PARP8: variants seen among roughly 807,000 people sequenced by gnomAD.
PARP8 encodes protein mono-ADP-ribosyltransferase PARP8.
A neutral mutation model predicts 124.1 loss-of-function variants in PARP8; 51 were observed. The observed-to-expected ratio is 0.41, with a 90% CI of 0.33 to 0.52. The LOEUF (loss-of-function observed/expected upper bound fraction) is 0.52, where lower values mean the gene tolerates loss of function less well. Among genes scored for constraint, PARP8 ranks in the 20% least tolerant of loss-of-function variants. The pLI is 0.21. For synonymous variants in PARP8, 391 were observed against 361.5 expected (o/e 1.08, Z -0.93); for missense variants, 860 against 1,018.9 (o/e 0.84, Z 2.12).
intron 15 of PARP8, 69 bp from the exon 16 acceptor site, chr5:50,821,144 G>GAC: frequency 1.0e-5 from 16 of 1,568,708 alleles, no homozygotes; most frequent in Non-Finnish European, 1.2e-5. Context: ...TACCTTGAGA[G>GAC]GGAGAAACAA....
chr5:50,722,198 T>C (rs1432217669), intron 2 of PARP8, among the ~76,000 whole-genome samples: 1 of 152,144 alleles, frequency 6.6e-6, no homozygotes, highest in Non-Finnish European at 1.5e-5. Context: ...ATAGTTGTTT[T>C]TCTTTGCCAT....
At chr5:50,667,734 C>T in intron 1 of PARP8, 2 of 704,390 alleles carry the variant, frequency 2.8e-6, no homozygotes, top group South Asian at 1.5e-5. Context: ...CCCAGCGCCC[C>T]TGCCTGGGGG....
At chr5:50,709,971 C>T (rs1437382011) in intron 2 of PARP8, among the ~76,000 whole-genome samples, 7 of 132,136 alleles carry the variant, frequency 5.3e-5, no homozygotes, top group African/African-American at 1.2e-4. Context: ...TACATATATA[C>T]ACACACACAC....
rs572491503 is a variant in PARP8, at chr5:50,733,175, G to T, written c.147-16976G>T. 9.7e-4 allele frequency among the ~76,000 whole-genome samples: 147 copies of T among 151,784 alleles called. 5 individuals carry two copies. In the South Asian group the frequency reaches 0.03, roughly 31 times the overall value. ...AAAAATTAGCCAGGCGTGGTGTTGT[G>T]TGCCTATAATCCCAGCTACTCAGCA... On this transcript the variant is annotated intron_variant, in intron 2 of 25. Coordinates refer to ENST00000281631, the MANE Select transcript of PARP8 (RefSeq NM_024615.4).
chr5:50,799,226 T>C (rs1742916002), intron 14 of PARP8, among the ~76,000 whole-genome samples: 1 of 152,226 alleles, frequency 6.6e-6, no homozygotes, highest in Admixed American at 6.5e-5. Flanking sequence ...ACAATACTTT[T>C]TGAGTTAATT....
At chr5:50,706,811 T>G (rs1160659662) in intron 2 of PARP8, among the ~76,000 whole-genome samples, 1 of 152,074 alleles carries the variant, frequency 6.6e-6, no homozygotes, top group Non-Finnish European at 1.5e-5. Context: ...TATGTTCATT[T>G]TTTGAAAACA....
intron 3 of PARP8, among the ~76,000 whole-genome samples, chr5:50,759,436 A>G (rs1222314786): frequency 6.6e-6 from 1 of 152,190 alleles, no homozygotes; most frequent in Non-Finnish European, 1.5e-5. Flanking sequence ...CAGGAGATAC[A>G]AATGTCTTTA....
At chr5:50,681,213 CTCT>C (rs1430765008) in intron 2 of PARP8, among the ~76,000 whole-genome samples, 2 of 151,884 alleles carry the variant, frequency 1.3e-5, no homozygotes, top group African/African-American at 4.8e-5. Context: ...TCTTAAATAT[CTCT>C]TGTTTTATGT....
At chr5:50,753,987 A>T (rs1454077156) in intron 3 of PARP8, among the ~76,000 whole-genome samples, 2 of 150,392 alleles carry the variant, frequency 1.3e-5, no homozygotes, top group Non-Finnish European at 3.0e-5. Context: ...CTTAACAAAG[A>T]TCTGTAGGTC....
intron 14 of PARP8, among the ~76,000 whole-genome samples, chr5:50,799,166 A>G (rs111834833): frequency 0.015 from 2,338 of 152,286 alleles, 64 homozygotes; most frequent in African/African-American, 0.054. Flanking sequence ...CACACAGTGC[A>G]CTTATGTTTC....
At position 50,759,296 on chromosome 5, in the gene PARP8, T is replaced by C. The variant is rs113084476; in HGVS notation, c.185-347T>C. Among the ~76,000 whole-genome samples the C allele has an allele frequency of 1.4e-3, 208 of 152,204 alleles. 1 individual carries two copies. The highest frequency in any genetic ancestry group is 5.0e-3 in the African/African-American group (206 of 41,542). ...CTCCACTCACTAACCCTGCTTCCTA[T>C]AGTAGATGCTGATATTGGGAAGGAC... is the stretch of plus-strand genomic sequence containing the variant. On this transcript the variant is annotated intron_variant, in intron 3 of 25. Transcript: ENST00000281631.
At chr5:50,792,029 T>C (rs2149642280) in intron 10 of PARP8, among the ~76,000 whole-genome samples, 1 of 152,344 alleles carries the variant, frequency 6.6e-6, no homozygotes, top group Non-Finnish European at 1.5e-5. Context: ...ATGTCATCCC[T>C]ATGTACTTGC....
intron 2 of PARP8, among the ~76,000 whole-genome samples, chr5:50,695,305 A>G (rs2149466824): frequency 6.6e-6 from 1 of 152,100 alleles, no homozygotes; most frequent in South Asian, 2.1e-4. Flanking sequence ...TCTGAACTGT[A>G]GGTGTCACCA....
intron 2 of PARP8, among the ~76,000 whole-genome samples, chr5:50,727,242 C>T (rs764429596): frequency 2.6e-5 from 4 of 152,078 alleles, no homozygotes; most frequent in Non-Finnish European, 5.9e-5. Context: ...CTTCCTTGTA[C>T]TAAGAACTGC....
At chr5:50,817,850 G>A (rs1745275057) in intron 15 of PARP8, among the ~76,000 whole-genome samples, 2 of 152,164 alleles carry the variant, frequency 1.3e-5, no homozygotes, top group African/African-American at 4.8e-5. Context: ...TTGCCTGAAA[G>A]GGGTGTGTGT....
intron 2 of PARP8, among the ~76,000 whole-genome samples, chr5:50,711,280 G>A (rs1561276405): frequency 6.6e-6 from 1 of 152,120 alleles, no homozygotes; most frequent in Non-Finnish European, 1.5e-5. Context: ...GAACACCAGT[G>A]TTGTTCAAGA....
At chr5:50,775,823 C>T (rs1156928665) in intron 7 of PARP8, among the ~76,000 whole-genome samples, 5 of 151,968 alleles carry the variant, frequency 3.3e-5, no homozygotes, top group Admixed American at 2.6e-4. Flanking sequence ...TTTATATATA[C>T]GATCATGTCA....
At chr5:50,726,697 C>T (rs1381878021) in intron 2 of PARP8, among the ~76,000 whole-genome samples, 1 of 152,132 alleles carries the variant, frequency 6.6e-6, no homozygotes, top group Non-Finnish European at 1.5e-5. Context: ...TGAATATTCT[C>T]TGAGAAGGGC....
chr5:50,785,341 T>C (rs928141177), intron 9 of PARP8, among the ~76,000 whole-genome samples: 5 of 152,188 alleles, frequency 3.3e-5, no homozygotes, highest in Non-Finnish European at 7.4e-5. Flanking sequence ...GTGTCTAGTG[T>C]TATATAACCC....
Sources: gnomAD v4.1 joint callset for allele counts (sites outside exome capture counted in the v4.1 genomes callset) on GRCh38, gnomAD v4.1.1 for gene constraint, MANE v1.5 for transcripts, NCBI Gene and HGNC (gene_info 2026-07-23, HGNC 2026-07-21) for gene names.